Variants in UBE2Z observed in about 807,000 individuals in gnomAD.
UBE2Z encodes the protein ubiquitin conjugating enzyme E2 Z.
Under a neutral mutation model 32.6 loss-of-function variants are expected in UBE2Z, and 10 were observed. The ratio of observed to expected loss-of-function variants is 0.31; its 90% CI spans 0.19 to 0.52. The LOEUF is 0.52. Among genes scored for constraint, UBE2Z ranks in the 20% least tolerant of loss-of-function variants. The pLI is 0.97. For synonymous variants in UBE2Z, 183 were observed against 190.8 expected (o/e 0.96, Z 0.34); for missense variants, 343 against 480.9 (o/e 0.71, Z 2.68).
At chr17:48,924,493 T>C (rs1017974714) in intron 6 of UBE2Z, among the ~76,000 whole-genome samples, 7 of 151,336 alleles carry the variant, frequency 4.6e-5, no homozygotes, top group Non-Finnish European at 5.9e-5. Flanking sequence ...GTGCTTTTGC[T>C]TCCCATAAGA....
intron 1 of UBE2Z, chr17:48,909,023 C>A (rs2040653074): frequency 3.2e-6 from 1 of 312,524 alleles, no homozygotes; most frequent in Admixed American, 5.4e-5. Flanking sequence ...GCACCAACCC[C>A]CGCCTCGTGT....
At chr17:48,923,733 CTTT>C (rs542975589) in intron 6 of UBE2Z, among the ~76,000 whole-genome samples, 4 of 140,182 alleles carry the variant, frequency 2.9e-5, no homozygotes, top group Admixed American at 7.2e-5. Flanking sequence ...TCAGTAGCCT[CTTT>C]TTTTTTTTTT....
Position 48,908,557 on chromosome 17 carries a change from C to A in UBE2Z, c.54C>A (p.Gly18=). The change falls in exon 1 of 7, where the codon GGC becomes GGA. Residue 18 remains glycine (G), a synonymous_variant. Transcript: ENST00000360943. ...CAACGGCGGGCGCCGGGGCGGCGGG[C>A]CCCGGGGCGAGCAGCGTTGCTGGTG... ...EAATAGAGAA[G]PGASSVAGVV... 1.6e-6 allele frequency: 2 copies of A among 1,237,038 alleles called. No homozygotes were observed. 76.6% of individuals were successfully genotyped at this position (1,237,038 alleles called of 1,614,324 possible). A position where few individuals can be genotyped will look rare whatever the true frequency, so the allele number is the denominator to read the frequency against.
intron 4 of UBE2Z, among the ~76,000 whole-genome samples, chr17:48,920,322 C>T (rs1393996301): frequency 6.6e-6 from 1 of 152,114 alleles, no homozygotes; most frequent in Non-Finnish European, 1.5e-5. Context: ...TGGTGAAACA[C>T]TGTCTCTACT....
intron 6 of UBE2Z, among the ~76,000 whole-genome samples, chr17:48,926,452 C>A (rs2040798750): frequency 6.7e-6 from 1 of 149,360 alleles, no homozygotes; most frequent in African/African-American, 2.5e-5. Flanking sequence ...CAAGCTACAC[C>A]TATTTGGGGC....
chr17:48,928,132 C>T lies in UBE2Z; in HGVS notation c.*998C>T, dbSNP rs1335080290. The T allele has an allele frequency of 6.6e-6, 1 of 152,234 alleles. No individual in the cohort carries two copies. The highest frequency in any genetic ancestry group is 1.5e-5 in the Non-Finnish European group (1 of 68,094). 9.4% of individuals were successfully genotyped at this position (152,234 alleles called of 1,614,324 possible). On this transcript the variant is annotated 3_prime_UTR_variant, in exon 7 of 7. Transcript: ENST00000360943. ...CCCCAGCCTGTAGTCCTCCTCACTTCAACCCCAGGGATTTTTGGGGAGCAA... is the reference window on the plus strand; with the variant it reads ...CCCCAGCCTGTAGTCCTCCTCACTTTAACCCCAGGGATTTTTGGGGAGCAA...
intron 3 of UBE2Z, among the ~76,000 whole-genome samples, chr17:48,914,016 A>G (rs1033299378): frequency 6.6e-6 from 1 of 152,208 alleles, no homozygotes; most frequent in Non-Finnish European, 1.5e-5. Flanking sequence ...GGTTACAGGC[A>G]TGAGCCTCCA....
At chr17:48,918,773 C>G (rs1417778942) in intron 4 of UBE2Z, among the ~76,000 whole-genome samples, 5 of 124,038 alleles carry the variant, frequency 4.0e-5, no homozygotes, top group Non-Finnish European at 8.3e-5. Flanking sequence ...TGGAGGCAGA[C>G]TCTCACTCTG....
chr17:48,915,569 A>G (rs2040712887), intron 3 of UBE2Z, among the ~76,000 whole-genome samples: 1 of 152,078 alleles, frequency 6.6e-6, no homozygotes, highest in Non-Finnish European at 1.5e-5. Context: ...TGTAGTCTTA[A>G]GAGAATTTGA....
At chr17:48,912,757 T>C in intron 2 of UBE2Z, 77 bp from the exon 3 acceptor site, 2 of 1,505,502 alleles carry the variant, frequency 1.3e-6, no homozygotes, top group Non-Finnish European at 1.8e-6. Flanking sequence ...CTGGTGTGGG[T>C]AGTAGGTGGA....
Position 48,923,014 on chromosome 17 carries a change from C to T in UBE2Z, c.894+77C>T, listed in dbSNP as rs1438060779. The T allele has an allele frequency of 3.0e-6, 4 of 1,339,442 alleles. No homozygotes were observed. The South Asian group carries it at 5.1e-5, about 17-fold the overall frequency. 83.0% of individuals were successfully genotyped at this position (1,339,442 alleles called of 1,614,324 possible). On this transcript the variant is annotated intron_variant, in intron 6 of 6. Coordinates refer to ENST00000360943, the MANE Select transcript of UBE2Z (RefSeq NM_023079.5). ...AAGCCCCCCACAAGCGTGGCATCGA[C>T]AGCTGTCATAGAATGACACAGCTAA...
Position 48,918,525 on chromosome 17 carries a change from C to T in UBE2Z, c.690+2338C>T, listed in dbSNP as rs549236542. ...ATTTTTGTATTTTTAGTAGAGGTGG[C>T]GTTTCACCATGTTGGCCAGCTGGTC... On this transcript the variant is annotated intron_variant, in intron 4 of 6. Transcript: ENST00000360943. Among the ~76,000 whole-genome samples, 12 of 150,450 alleles carry T rather than the reference C, an allele frequency of 8.0e-5. 1 individual carries two copies. In the South Asian group the frequency reaches 2.3e-3, roughly 29 times the overall value.
At chr17:48,909,290 C>T (rs1225532968) in intron 1 of UBE2Z, among the ~76,000 whole-genome samples, 1 of 151,790 alleles carries the variant, frequency 6.6e-6, no homozygotes, top group Non-Finnish European at 1.5e-5. Context: ...AACTCAGCTT[C>T]CTTTGCCATG....
Position 48,908,864 on chromosome 17 carries a change from C to G in UBE2Z, c.317+44C>G, listed in dbSNP as rs1475331028. 32 of 1,330,830 alleles carry G rather than the reference C, an allele frequency of 2.4e-5. No individual in the cohort carries two copies. In the East Asian group the frequency reaches 1.1e-3, roughly 45 times the overall value. 82.4% of individuals were successfully genotyped at this position (1,330,830 alleles called of 1,614,324 possible). A position where few individuals can be genotyped will look rare whatever the true frequency, so the allele number is the denominator to read the frequency against. On this transcript the variant is annotated intron_variant, in intron 1 of 6. Transcript: ENST00000360943. ...TCCCCCAGCCCCGAGCTCCGGGGCTCGACCTTCCCCGCCCCCCACCCTCTC... is the reference window on the plus strand; with the variant it reads ...TCCCCCAGCCCCGAGCTCCGGGGCTGGACCTTCCCCGCCCCCCACCCTCTC...
In UBE2Z at chr17:48,926,182, G is replaced by A. The variant is rs574178318; in HGVS notation, c.895-782G>A. Among the ~76,000 whole-genome samples, 8 of 152,248 alleles carry A rather than the reference G, an allele frequency of 5.3e-5. No individual in the cohort carries two copies. In the East Asian group the frequency reaches 1.5e-3, roughly 29 times the overall value. On this transcript the variant is annotated intron_variant, in intron 6 of 6. Transcript: ENST00000360943. ...GACGAGTCCCTGGGGAGGAGTACAG[G>A]TGCTTATCTGAAAGTCAGAACTCTT...
chr17:48,926,536 T>TGCGATC (rs2040799687), intron 6 of UBE2Z, among the ~76,000 whole-genome samples: 4 of 150,340 alleles, frequency 2.7e-5, no homozygotes, highest in Non-Finnish European at 4.4e-5. Context: ...AGTGTAATGG[T>TGCGATC]GCGATCTCGA....
Position 48,915,558 on chromosome 17 carries a change from G to A in UBE2Z, c.579-518G>A, listed in dbSNP as rs76768749. Reference sequence around the variant, plus strand: ...TCTCTTCCTGTTCTTTGGAAGAGTTGTGTAGTCTTAAGAGAATTTGACACT... The same window carrying A: ...TCTCTTCCTGTTCTTTGGAAGAGTTATGTAGTCTTAAGAGAATTTGACACT... On this transcript the variant is annotated intron_variant, in intron 3 of 6. Transcript: ENST00000360943. Among the ~76,000 whole-genome samples, 129 of 152,226 alleles carry A rather than the reference G, an allele frequency of 8.5e-4. 4 individuals are homozygous for A. The East Asian group carries it at 0.022, about 26-fold the overall frequency.
In UBE2Z at chr17:48,927,376, G is replaced by T; in HGVS notation, c.*242G>T. ...CATTCATCCCGTATCAGGGGCCAAG[G>T]TACCTTTACAGGAGCACCTAGAGCG... On this transcript the variant is annotated 3_prime_UTR_variant, in exon 7 of 7. Transcript: ENST00000360943. The T allele has an allele frequency of 2.0e-6, 1 of 497,274 alleles. No individual in the cohort carries two copies. Among genetic ancestry groups the T allele is most frequent in the South Asian group, 2.8e-5 (1 of 36,100 alleles). 30.8% of individuals were successfully genotyped at this position (497,274 alleles called of 1,614,324 possible).
In UBE2Z at chr17:48,908,640, G is replaced by GGGCGGCGGC; in HGVS notation, c.144_152dup (p.Ala50_Ala52dup). The GGGCGGCGGC allele has an allele frequency of 2.4e-6, 3 of 1,228,578 alleles. No homozygotes were observed. The highest frequency in any genetic ancestry group is 3.0e-6 in the Non-Finnish European group (3 of 983,950). 76.1% of individuals were successfully genotyped at this position (1,228,578 alleles called of 1,614,324 possible). On this transcript the variant is annotated inframe_insertion, in exon 1 of 7. Transcript: ENST00000360943. The stretch of plus-strand genomic sequence containing the variant: ...GGGCCGCCTTTCCTGCCGGATGTGT[G>GGGCGGCGGC]GGCGGCGGCGGCGGCAGCGGGCGGG...
Sources: allele counts gnomAD v4.1 joint callset (sites outside exome capture counted in the v4.1 genomes callset), GRCh38; gene constraint gnomAD v4.1.1; transcripts MANE v1.5; gene names NCBI Gene and HGNC (gene_info 2026-07-23, HGNC 2026-07-21).